NACC1: variants seen among roughly 807,000 people sequenced by gnomAD.
NACC1 encodes nucleus accumbens-associated protein 1.
Under a neutral mutation model 41.7 loss-of-function variants are expected in NACC1, and 6 were observed. The ratio of observed to expected loss-of-function variants is 0.14; its 90% CI spans 0.08 to 0.28. The LOEUF is 0.28. Among genes scored for constraint, NACC1 ranks in the 10% least tolerant of loss-of-function variants. The pLI, the probability that NACC1 is intolerant of heterozygous loss-of-function variation, is 1.00. For synonymous variants in NACC1, 338 were observed against 330.6 expected, an observed-to-expected ratio of 1.02 and a Z score of -0.24; for missense variants, 434 against 763.7, an observed-to-expected ratio of 0.57 and a Z score of 5.09.
Position 13,137,621 on chromosome 19 carries a change from G to A in NACC1, c.1324+46G>A, listed in dbSNP as rs1310030716. The A allele has an allele frequency of 6.7e-7, 1 of 1,497,540 alleles. No individual in the cohort carries two copies. Among genetic ancestry groups the A allele is most frequent in the East Asian group, 2.5e-5 (1 of 40,050 alleles). The allele number at this position is 1,497,540 out of a possible 1,614,324, so 92.8% of individuals were successfully genotyped here. On this transcript the variant is annotated intron_variant, in intron 5 of 5. Coordinates refer to ENST00000292431, the MANE Select transcript of NACC1 (RefSeq NM_052876.4). This position sits in a 1 kb window ranked among gnomAD's most constrained non-coding sequence, Gnocchi z 6.1. ...ACGAGGCGTGGGCCCGGGGCACGCA[G>A]GTTGACGTTTTTTCCCAGCCTTGGC...
chr19:13,123,001 G>C (rs903004849), intron 1 of NACC1, among the ~76,000 whole-genome samples: 3 of 152,148 alleles, frequency 2.0e-5, no homozygotes, highest in African/African-American at 4.8e-5. Flanking sequence ...AGACTGATAT[G>C]GGGGGTGAGC....
chr19:13,120,507 T>C (rs1220343943), intron 1 of NACC1, among the ~76,000 whole-genome samples: 2 of 152,180 alleles, frequency 1.3e-5, no homozygotes, highest in Admixed American at 6.5e-5. Flanking sequence ...ACCCTAATTC[T>C]CCCCAGTCTC....
At chr19:13,124,357 G>A (rs2019536451) in intron 1 of NACC1, among the ~76,000 whole-genome samples, 1 of 151,986 alleles carries the variant, frequency 6.6e-6, no homozygotes, top group Non-Finnish European at 1.5e-5. Flanking sequence ...CCGAAATCAC[G>A]CCACTGTACT....
intron 1 of NACC1, among the ~76,000 whole-genome samples, chr19:13,127,284 C>T (rs2019574227): frequency 8.1e-6 from 1 of 124,204 alleles, no homozygotes; most frequent in Non-Finnish European, 1.6e-5. Flanking sequence ...GAACACTCAG[C>T]TGGGAGTTGG....
In NACC1 at chr19:13,137,851, A is replaced by G. The variant is rs1236939723; in HGVS notation, c.1324+276A>G. ...ATGAGGCAGCCAGACAGTGCTAGCC[A>G]CTCGTCATGGGGGGCATCTAGATTT... On this transcript the variant is annotated intron_variant, in intron 5 of 5. Transcript: ENST00000292431. This position sits in a 1 kb window ranked among gnomAD's most constrained non-coding sequence, Gnocchi z 6.1. Among the ~76,000 whole-genome samples, 1 of 152,114 alleles carries G rather than the reference A, an allele frequency of 6.6e-6. No individual in the cohort carries two copies. Among genetic ancestry groups the G allele is most frequent in the Non-Finnish European group, 1.5e-5 (1 of 68,006 alleles).
chr19:13,133,278 A>G (rs1196767331), intron 1 of NACC1, among the ~76,000 whole-genome samples: 1 of 151,770 alleles, frequency 6.6e-6, no homozygotes, highest in East Asian at 1.9e-4. Flanking sequence ...CTATAGAATT[A>G]CAGAGGAGGC....
Position 13,136,366 on chromosome 19 carries a change from G to C in NACC1, c.1081G>C (p.Asp361His). ...IGNRCHPKLYDEGDPSEKLEL... is the reference protein window; with the variant it reads ...IGNRCHPKLYHEGDPSEKLEL... ...GAACCGCTGCCACCCCAAGCTCTAC[G>C]ACGAGGGCGACCCCTCTGAGAAGCT... The change falls in exon 3 of 6, where the codon GAC becomes CAC. Residue 361 changes from aspartate to histidine, a missense_variant. Transcript: ENST00000292431. The surrounding 1 kb of genome is among the most constrained non-coding windows in gnomAD (Gnocchi z 5.5). 6.2e-7 allele frequency: 1 copy of C among 1,614,026 alleles called. No homozygotes were observed.
intron 1 of NACC1, among the ~76,000 whole-genome samples, chr19:13,127,371 C>CTTTTTTTTTTTTTTTTTTTTT (rs147514422): frequency 3.5e-5 from 1 of 28,510 alleles, no homozygotes; most frequent in Non-Finnish European, 6.4e-5. Flanking sequence ...TATACATATA[C>CTTTTTTTTTTTTTTTTTTTTT]TTTTTTTTTT....
At position 13,136,880 on chromosome 19, in the gene NACC1, GTGTT is replaced by G. The variant is rs1431829554; in HGVS notation, c.1121-388_1121-385del. Among the ~76,000 whole-genome samples, 1 of 152,166 alleles carries G rather than the reference GTGTT, an allele frequency of 6.6e-6. No homozygotes were observed. The highest frequency in any genetic ancestry group is 1.5e-5 in the Non-Finnish European group (1 of 68,022). Reference sequence around the variant, plus strand: ...CTCTTAAAAAAAGAAGAAGAAGACTGTGTTTGGTCCTTGGGTCAGAGTGCCTAGG... The same window carrying G: ...CTCTTAAAAAAAGAAGAAGAAGACTGTGGTCCTTGGGTCAGAGTGCCTAGG... On this transcript the variant is annotated intron_variant, in intron 3 of 5. Transcript: ENST00000292431. The surrounding 1 kb of genome is among the most constrained non-coding windows in gnomAD (Gnocchi z 5.5).
chr19:13,117,432 TAA>T (rs2019401181), upstream of NACC1: 1 of 152,256 alleles, frequency 6.6e-6, no homozygotes, highest in East Asian at 1.9e-4. Context: ...GTAAGCATCA[TAA>T]AAGTCTTAGG....
At chr19:13,126,925 G>A (rs1281212148) in intron 1 of NACC1, among the ~76,000 whole-genome samples, 1 of 151,984 alleles carries the variant, frequency 6.6e-6, no homozygotes, top group African/African-American at 2.4e-5. Flanking sequence ...CAGGGAAACT[G>A]ACATGAAGCC....
intron 1 of NACC1, among the ~76,000 whole-genome samples, chr19:13,131,082 T>C (rs1357848541): frequency 6.6e-6 from 1 of 152,168 alleles, no homozygotes; most frequent in Admixed American, 6.5e-5. Context: ...CAAGGCCATC[T>C]GCTTGGTTGA....
rs753835661 is a variant in NACC1 at position 13,135,989 on chromosome 19, G to A, written c.782G>A (p.Arg261Gln). The A allele has an allele frequency of 2.5e-6, 4 of 1,611,976 alleles. No individual in the cohort carries two copies. Among genetic ancestry groups the A allele is most frequent in the East Asian group, 2.2e-5 (1 of 44,780 alleles). The change falls in exon 2 of 6, where the codon CGG becomes CAG. Residue 261 changes from arginine (R) to glutamine (Q), a missense_variant. This residue lies in a region of NACC1 where 234 missense variants were observed against 308.3 expected (regional missense o/e 0.76). Transcript: ENST00000292431. ...GVVSGPSTSE[R>Q]TSPGTSSAYT... ...GTGAGTGGGCCCAGCACGTCGGAGCGGACCAGCCCAGGCACCTCAAGCGCC... is the reference window on the plus strand; with the variant it reads ...GTGAGTGGGCCCAGCACGTCGGAGCAGACCAGCCCAGGCACCTCAAGCGCC...
chr19:13,133,657 G>T (rs1303314527), intron 1 of NACC1, among the ~76,000 whole-genome samples: 2 of 152,050 alleles, frequency 1.3e-5, no homozygotes, highest in Admixed American at 6.6e-5. Flanking sequence ...ACCATGTTTA[G>T]TTGGCCCATC....
intron 1 of NACC1, among the ~76,000 whole-genome samples, chr19:13,125,267 G>A (rs1200285933): frequency 6.6e-6 from 1 of 152,202 alleles, no homozygotes; most frequent in African/African-American, 2.4e-5. Flanking sequence ...TCCGTGTCTA[G>A]TGAGGGCCCA....
At chr19:13,128,912 C>T (rs73509404) in intron 1 of NACC1, among the ~76,000 whole-genome samples, 2,480 of 152,338 alleles carry the variant, frequency 0.016, 85 homozygotes, top group African/African-American at 0.057. Flanking sequence ...CCCAGCTGCC[C>T]TGTGGCCTCC....
intron 1 of NACC1, among the ~76,000 whole-genome samples, chr19:13,121,667 G>A (rs1226340630): frequency 6.6e-6 from 1 of 152,180 alleles, no homozygotes; most frequent in Non-Finnish European, 1.5e-5. Context: ...CCTGTGTGGA[G>A]AGAGGGATCC....
chr19:13,117,116 T>C (rs1207955589), upstream of NACC1: 2 of 152,272 alleles, frequency 1.3e-5, no homozygotes, highest in African/African-American at 2.4e-5. Flanking sequence ...TTCTTACCTA[T>C]TAAATGAGAA....
chr19:13,135,194 G>C lies in NACC1; in HGVS notation c.-8-6G>C. 1.3e-6 allele frequency: 2 copies of C among 1,569,132 alleles called. No homozygotes were observed. Among genetic ancestry groups the C allele is most frequent in the East Asian group, 2.3e-5 (1 of 44,210 alleles). On this transcript the variant is annotated splice_region_variant and splice_polypyrimidine_tract_variant and intron_variant, in intron 1 of 5. Coordinates refer to ENST00000292431, the MANE Select transcript of NACC1 (RefSeq NM_052876.4). Reference sequence around the variant, plus strand: ...GTCTCTCCATTCCTCCCTGCCCCTCGTGCAGCCGCTGCCATGGCCCAGACA... The same window carrying C: ...GTCTCTCCATTCCTCCCTGCCCCTCCTGCAGCCGCTGCCATGGCCCAGACA...
Sources: allele counts gnomAD v4.1 joint callset (sites outside exome capture counted in the v4.1 genomes callset), GRCh38; gene constraint gnomAD v4.1.1; regional missense constraint gnomAD v4.1.1; non-coding constraint Gnocchi (gnomAD v3.1); transcripts MANE v1.5; gene names NCBI Gene and HGNC (gene_info 2026-07-23, HGNC 2026-07-21).